CTPS2: variants seen among roughly 807,000 people sequenced by gnomAD.
The protein encoded by CTPS2 is CTP synthase II.
Under a neutral mutation model 46.8 loss-of-function variants are expected in CTPS2, and 19 were observed. The ratio of observed to expected loss-of-function variants is 0.41; its 90% CI spans 0.28 to 0.60. The LOEUF (loss-of-function observed/expected upper bound fraction) is 0.60, where lower values mean the gene tolerates loss of function less well. Ranked by LOEUF, CTPS2 falls within the 20% of genes least tolerant of loss-of-function variation. The pLI is 0.35. For synonymous variants in CTPS2, 151 were observed against 165.2 expected, an observed-to-expected ratio of 0.91 and a Z score of 0.66; for missense variants, 286 against 447.6, an observed-to-expected ratio of 0.64 and a Z score of 3.26.
In CTPS2 at chrX:16,712,395, G is replaced by A. The variant is rs1925531336; in HGVS notation, c.-100C>T. 1.8e-5 allele frequency: 2 copies of A among 112,363 alleles called. No homozygotes were observed. Among genetic ancestry groups the A allele is most frequent in the South Asian group, 7.2e-4 (2 of 2,782 alleles). The allele number at this position is 112,363 out of a possible 1,213,427, so 9.3% of individuals were successfully genotyped here. ...GTGGGCACGGCGGGCTCCACCCCGC[G>A]GCTGGCCTGGCGCTCACCTGTCGGG... On this transcript the variant is annotated 5_prime_UTR_variant, in exon 1 of 19. Transcript: ENST00000359276.
intron 17 of CTPS2, among the ~76,000 whole-genome samples, chrX:16,603,483 T>C (rs1929795095): frequency 1.8e-5 from 2 of 109,913 alleles, no homozygotes; most frequent in Non-Finnish European, 3.8e-5. Context: ...AAAATGTTCC[T>C]TTGCAAAGGA....
chrX:16,623,708 G>A (rs753824532), intron 14 of CTPS2, among the ~76,000 whole-genome samples: 1 of 105,937 alleles, frequency 9.4e-6, no homozygotes, highest in Non-Finnish European at 1.9e-5. Flanking sequence ...GACTGGTGCT[G>A]CAATAAACAT....
chrX:16,677,072 A>C (rs1602248506), intron 10 of CTPS2, among the ~76,000 whole-genome samples: 1 of 109,090 alleles, frequency 9.2e-6, no homozygotes. Flanking sequence ...AAAAAAAAAA[A>C]AAAAAACAAG....
At chrX:16,662,520 T>C (rs914055356) in intron 13 of CTPS2, among the ~76,000 whole-genome samples, 7 of 110,825 alleles carry the variant, frequency 6.3e-5, no homozygotes, top group African/African-American at 2.0e-4. Flanking sequence ...TGATGACCTA[T>C]GAAGAGATCT....
At chrX:16,604,496 T>C (rs1602123830) in intron 17 of CTPS2, among the ~76,000 whole-genome samples, 3 of 111,981 alleles carry the variant, frequency 2.7e-5, no homozygotes, top group East Asian at 5.6e-4. Context: ...CTATGAACTT[T>C]AGACTCTGAT....
At chrX:16,687,625 C>T in intron 8 of CTPS2, among the ~76,000 whole-genome samples, 1 of 111,238 alleles carries the variant, frequency 9.0e-6, no homozygotes, top group Middle Eastern at 4.6e-3. Context: ...TAGAAAATTC[C>T]TGTGAAATGA....
chrX:16,692,723 T>A (rs752203841), intron 6 of CTPS2, among the ~76,000 whole-genome samples: 1 of 110,186 alleles, frequency 9.1e-6, no homozygotes, highest in Non-Finnish European at 1.9e-5. Flanking sequence ...ACAGGAGCCG[T>A]TTGAGAATGA....
intron 17 of CTPS2, among the ~76,000 whole-genome samples, chrX:16,599,997 T>C (rs939985153): frequency 2.0e-4 from 22 of 111,531 alleles, no homozygotes; most frequent in Non-Finnish European, 3.4e-4. Flanking sequence ...CAGGCTGGTC[T>C]TGAACTCCTG....
At chrX:16,690,974 A>G (rs1923645987) in intron 7 of CTPS2, among the ~76,000 whole-genome samples, 1 of 112,327 alleles carries the variant, frequency 8.9e-6, no homozygotes, top group African/African-American at 3.2e-5. Context: ...AAGAGATGAT[A>G]AGTAGGCTTC....
At chrX:16,662,616 C>G (rs1198033587) in intron 13 of CTPS2, among the ~76,000 whole-genome samples, 6 of 110,439 alleles carry the variant, frequency 5.4e-5, no homozygotes, top group South Asian at 3.9e-4. Context: ...CCAGTCCCCA[C>G]AAAGTAACTG....
intron 1 of CTPS2, among the ~76,000 whole-genome samples, chrX:16,707,552 T>TA (rs1176319628): frequency 9.0e-6 from 1 of 111,536 alleles, no homozygotes; most frequent in Non-Finnish European, 1.9e-5. Flanking sequence ...CACACACCTG[T>TA]AGTCCCAGCT....
At chrX:16,593,477 C>T (rs867981200) in intron 17 of CTPS2, among the ~76,000 whole-genome samples, 2 of 85,192 alleles carry the variant, frequency 2.3e-5, no homozygotes, top group Non-Finnish European at 4.5e-5. Context: ...TGAAATTTTA[C>T]TTTTTTTTTT....
chrX:16,660,882 C>T (rs1056685266), intron 13 of CTPS2, among the ~76,000 whole-genome samples: 3 of 111,157 alleles, frequency 2.7e-5, no homozygotes, highest in African/African-American at 9.8e-5. Flanking sequence ...AACCTACTAT[C>T]CCCACAGAGA....
At chrX:16,690,740 C>A (rs373606081) in intron 7 of CTPS2, among the ~76,000 whole-genome samples, 4 of 111,706 alleles carry the variant, frequency 3.6e-5, no homozygotes, top group Non-Finnish European at 7.5e-5. Context: ...AAAAGAAAAG[C>A]GAATTATCAG....
intron 13 of CTPS2, among the ~76,000 whole-genome samples, chrX:16,644,334 C>T (rs1486984004): frequency 9.0e-6 from 1 of 110,600 alleles, no homozygotes; most frequent in Non-Finnish European, 1.9e-5. Context: ...GATGGGGTTT[C>T]GCCATGTTGC....
At chrX:16,653,315 G>A (rs1194720659) in intron 13 of CTPS2, among the ~76,000 whole-genome samples, 4 of 111,509 alleles carry the variant, frequency 3.6e-5, no homozygotes, top group Admixed American at 9.6e-5. Context: ...GCCTGCACAC[G>A]ATCTCACACG....
At chrX:16,642,736 T>C (rs1932140158) in intron 13 of CTPS2, among the ~76,000 whole-genome samples, 1 of 112,426 alleles carries the variant, frequency 8.9e-6, no homozygotes, top group Admixed American at 9.4e-5. Flanking sequence ...CTTTGTTCCT[T>C]GCATTCCTTC....
intron 14 of CTPS2, among the ~76,000 whole-genome samples, chrX:16,637,793 TG>T (rs761140458): frequency 8.9e-6 from 1 of 112,298 alleles, no homozygotes; most frequent in East Asian, 2.8e-4. Flanking sequence ...TAGAGAACAA[TG>T]GCTTTTTATG....
chrX:16,676,465 C>T (rs1922285190), intron 10 of CTPS2, among the ~76,000 whole-genome samples: 1 of 112,021 alleles, frequency 8.9e-6, no homozygotes, highest in Admixed American at 9.5e-5. Context: ...TCTGAGATTC[C>T]TTATGGAATA....
Sources: gnomAD v4.1 joint callset for allele counts (sites outside exome capture counted in the v4.1 genomes callset) on GRCh38, gnomAD v4.1.1 for gene constraint, MANE v1.5 for transcripts, NCBI Gene and HGNC (gene_info 2026-07-23, HGNC 2026-07-21) for gene names.